Variants in XKR9 observed in about 807,000 individuals in gnomAD.
XKR9 encodes XK related 9, also known as XK-related protein 9.
Under a neutral mutation model 32.0 loss-of-function variants are expected in XKR9, and 32 were observed. The observed-to-expected ratio is 1.00, with a 90% CI of 0.76 to 1.34. XKR9 has a LOEUF of 1.34. Ranked by LOEUF, XKR9 falls within the 40% of genes most tolerant of loss-of-function variation. XKR9 has a pLI of 0.00. For synonymous variants in XKR9, 168 were observed against 143.4 expected (o/e 1.17, Z -1.22); for missense variants, 546 against 429.7 (o/e 1.27, Z -2.39).
chr8:70,854,782 CT>C, the XKR9 span, among the ~76,000 whole-genome samples: 1 of 152,138 alleles, frequency 6.6e-6, no homozygotes, highest in Admixed American at 6.5e-5. Context: ...AATAGGAATC[CT>C]TTCCCCATTT....
chr8:70,980,001 G>T, the XKR9 span, among the ~76,000 whole-genome samples: 1 of 152,220 alleles, frequency 6.6e-6, no homozygotes, highest in Non-Finnish European at 1.5e-5. Flanking sequence ...TTGCTGCCTC[G>T]CAGTTCGATC....
At chr8:70,711,099 CTG>C (rs2132189402) in intron 4 of XKR9, among the ~76,000 whole-genome samples, 1 of 152,264 alleles carries the variant, frequency 6.6e-6, no homozygotes, top group East Asian at 1.9e-4. Flanking sequence ...ATCAGAATGA[CTG>C]TTACTAAAAA....
At chr8:70,960,691 A>C in the XKR9 span, among the ~76,000 whole-genome samples, 1 of 151,828 alleles carries the variant, frequency 6.6e-6, no homozygotes, top group African/African-American at 2.4e-5. Flanking sequence ...TAGCCTGGGA[A>C]ACTCTGTCTC....
At chr8:70,850,192 T>G in the XKR9 span, among the ~76,000 whole-genome samples, 3 of 152,002 alleles carry the variant, frequency 2.0e-5, no homozygotes, top group Admixed American at 6.6e-5. Flanking sequence ...CTGGGCACGG[T>G]GGCTCACACC....
chr8:70,875,469 C>T, the XKR9 span, among the ~76,000 whole-genome samples: 3 of 152,130 alleles, frequency 2.0e-5, no homozygotes, highest in African/African-American at 7.2e-5. Flanking sequence ...GGTGCCTCCT[C>T]AAAGAAAGAG....
the XKR9 span, among the ~76,000 whole-genome samples, chr8:70,888,743 T>C: frequency 2.6e-4 from 39 of 152,170 alleles, no homozygotes; most frequent in African/African-American, 9.4e-4. Flanking sequence ...TTGGCACATT[T>C]GTAGAAACTC....
the XKR9 span, among the ~76,000 whole-genome samples, chr8:70,921,501 T>A: frequency 6.6e-6 from 1 of 152,244 alleles, no homozygotes; most frequent in South Asian, 2.1e-4. Context: ...GTGTCATTTT[T>A]TTCAATTTTT....
intron 4 of XKR9, among the ~76,000 whole-genome samples, chr8:70,713,134 A>G (rs983563514): frequency 2.0e-5 from 3 of 152,190 alleles, no homozygotes; most frequent in Non-Finnish European, 4.4e-5. Flanking sequence ...ACTTACTGAA[A>G]TAGAAAATTC....
At chr8:70,757,994 G>A (rs1382472111) in intron 2 of XKR9, among the ~76,000 whole-genome samples, 1 of 152,154 alleles carries the variant, frequency 6.6e-6, no homozygotes, top group East Asian at 1.9e-4. Context: ...ACTTGCCAGA[G>A]AATGTATCCT....
the XKR9 span, among the ~76,000 whole-genome samples, chr8:70,802,251 G>A: frequency 4.0e-5 from 6 of 151,872 alleles, no homozygotes; most frequent in South Asian, 6.2e-4. Context: ...TTTCTTTTTC[G>A]ATCATTGCTG....
At chr8:70,715,546 T>G (rs997052348) in intron 4 of XKR9, among the ~76,000 whole-genome samples, 1 of 152,126 alleles carries the variant, frequency 6.6e-6, no homozygotes, top group Non-Finnish European at 1.5e-5. Flanking sequence ...TTTGATATGC[T>G]TAATATTCAT....
the XKR9 span, among the ~76,000 whole-genome samples, chr8:70,874,147 T>C: frequency 6.6e-6 from 1 of 152,224 alleles, no homozygotes; most frequent in Non-Finnish European, 1.5e-5. Context: ...GTGTAAACTT[T>C]TATATGCACA....
chr8:71,004,384 G>A, the XKR9 span, among the ~76,000 whole-genome samples: 1 of 152,132 alleles, frequency 6.6e-6, no homozygotes, highest in Non-Finnish European at 1.5e-5. Flanking sequence ...GGACACACAG[G>A]TCATTATTTT....
the XKR9 span, among the ~76,000 whole-genome samples, chr8:70,919,067 G>A: frequency 2.0e-5 from 3 of 152,084 alleles, no homozygotes; most frequent in Admixed American, 2.0e-4. Context: ...GTGAGCCACT[G>A]CGCCCGGCCG....
chr8:70,779,625 T>C (rs1174658771), intron 2 of XKR9, among the ~76,000 whole-genome samples: 1 of 152,222 alleles, frequency 6.6e-6, no homozygotes, highest in Non-Finnish European at 1.5e-5. Context: ...ATTGCCTCAA[T>C]TTCAGAACCT....
At chr8:71,003,773 T>C in the XKR9 span, among the ~76,000 whole-genome samples, 4 of 152,210 alleles carry the variant, frequency 2.6e-5, no homozygotes, top group Non-Finnish European at 5.9e-5. Context: ...ATGATTGGCA[T>C]TTCTGAGGAC....
intron 4 of XKR9, 87 bp from the exon 5 acceptor site, chr8:70,733,709 T>A: frequency 1.6e-6 from 2 of 1,248,032 alleles, no homozygotes; most frequent in South Asian, 1.8e-5. Flanking sequence ...TGGGTGTGTG[T>A]ATATAGATAT....
intron 2 of XKR9, among the ~76,000 whole-genome samples, chr8:70,759,379 A>G (rs954800310): frequency 2.0e-5 from 3 of 152,198 alleles, no homozygotes; most frequent in Admixed American, 2.0e-4. Context: ...GAAGAAAAGG[A>G]AGAAAAAAGA....
chr8:70,956,783 C>T, the XKR9 span, among the ~76,000 whole-genome samples: 1 of 152,180 alleles, frequency 6.6e-6, no homozygotes, highest in African/African-American at 2.4e-5. Flanking sequence ...TAACTTTGCT[C>T]CACCCCAGAG....
Sources: gnomAD v4.1 joint callset for allele counts (sites outside exome capture counted in the v4.1 genomes callset) on GRCh38, gnomAD v4.1.1 for gene constraint, MANE v1.5 for transcripts, NCBI Gene and HGNC (gene_info 2026-07-23, HGNC 2026-07-21) for gene names.